SLC43A2: variants seen among roughly 807,000 people sequenced by gnomAD.
The protein encoded by SLC43A2 is large neutral amino acids transporter small subunit 4.
Under a neutral mutation model 63.2 loss-of-function variants are expected in SLC43A2, and 38 were observed. That is an observed-to-expected ratio of 0.60 (90% CI 0.46 to 0.79). SLC43A2 has a LOEUF of 0.79. Among genes scored for constraint, SLC43A2 ranks in the 30% least tolerant of loss-of-function variants. The probability of loss-of-function intolerance (pLI) is 0.00; values close to 1 mark genes in which losing one functional copy is unlikely to be tolerated. For missense variants in SLC43A2, 644 were observed against 756.2 expected (o/e 0.85, Z 1.74); for synonymous variants, 322 against 331.0 (o/e 0.97, Z 0.30).
Position 1,577,830 on chromosome 17 carries a change from G to T in SLC43A2, c.1424+420C>A, listed in dbSNP as rs372475584. Among the ~76,000 whole-genome samples, 14 of 152,332 alleles carry T rather than the reference G, an allele frequency of 9.2e-5. No individual in the cohort carries two copies. The South Asian group carries it at 1.9e-3, about 20-fold the overall frequency. ...GCCCGTCTGGTGTATTCTGGACTCA[G>T]TCACCCATGTTGCTGCCCGTGATGA... On this transcript the variant is annotated intron_variant, in intron 12 of 13. Transcript: ENST00000301335. This position sits in a 1 kb window ranked among gnomAD's most constrained non-coding sequence, Gnocchi z 4.9.
Position 1,606,729 on chromosome 17 carries a change from G to A in SLC43A2, c.501+6466C>T, listed in dbSNP as rs1275580679. On this transcript the variant is annotated intron_variant, in intron 5 of 13. Coordinates refer to ENST00000301335, the MANE Select transcript of SLC43A2 (RefSeq NM_152346.3). This position sits in a 1 kb window ranked among gnomAD's most constrained non-coding sequence, Gnocchi z 4.7. ...AGCGTGCCGTCCAGATGTCCCGGGG[G>A]AGGCTGAGGATCCACACCGTGGGGA... 6.6e-6 allele frequency among the ~76,000 whole-genome samples: 1 copy of A among 152,234 alleles called. No individual in the cohort carries two copies. The highest frequency in any genetic ancestry group is 1.5e-5 in the Non-Finnish European group (1 of 68,032).
rs189503704 is a variant in SLC43A2 at position 1,580,970 on chromosome 17, G to A, written c.1350+2234C>T. Among the ~76,000 whole-genome samples, 620 of 152,166 alleles carry A rather than the reference G, an allele frequency of 4.1e-3. 5 individuals are homozygous for A. The highest frequency in any genetic ancestry group is 4.6e-3 in the Non-Finnish European group (310 of 67,988). On this transcript the variant is annotated intron_variant, in intron 11 of 13. Transcript: ENST00000301335. ...AGGCTGGTCCTAGTAAAGTTCTGTCGCTGTCTGTGGGAGGCCCCCTGCCCA... is the reference window on the plus strand; with the variant it reads ...AGGCTGGTCCTAGTAAAGTTCTGTCACTGTCTGTGGGAGGCCCCCTGCCCA...
intron 11 of SLC43A2, among the ~76,000 whole-genome samples, chr17:1,580,283 G>T (rs1026566220): frequency 8.5e-5 from 13 of 152,198 alleles, no homozygotes; most frequent in African/African-American, 3.1e-4. Context: ...ACAGTCAGTG[G>T]CAACACATGG....
At chr17:1,607,331 G>A (rs1906711815) in intron 5 of SLC43A2, among the ~76,000 whole-genome samples, 1 of 152,186 alleles carries the variant, frequency 6.6e-6, no homozygotes, top group Non-Finnish European at 1.5e-5. Flanking sequence ...GATCCCGACA[G>A]TTCTGCTTTC....
At position 1,581,110 on chromosome 17, in the gene SLC43A2, C is replaced by A. The variant is rs543444154; in HGVS notation, c.1350+2094G>T. Among the ~76,000 whole-genome samples, 626 of 152,122 alleles carry A rather than the reference C, an allele frequency of 4.1e-3. 5 individuals are homozygous for A. The highest frequency in any genetic ancestry group is 4.6e-3 in the Non-Finnish European group (312 of 68,004). On this transcript the variant is annotated intron_variant, in intron 11 of 13. Transcript: ENST00000301335. ...TCTTCTGTACACAGCCCTGCCATCC[C>A]GCTCAGCAGCCAGGACCTGTTCCCA...
rs1329400157 is a variant in SLC43A2, at chr17:1,569,876, C to T, written c.*5728G>A. The T allele has an allele frequency of 6.8e-6, 1 of 147,322 alleles. No homozygotes were observed. The highest frequency in any genetic ancestry group is 1.5e-5 in the Non-Finnish European group (1 of 67,032). The allele number at this position is 147,322 out of a possible 1,614,324, so 9.1% of individuals were successfully genotyped here. On this transcript the variant is annotated 3_prime_UTR_variant, in exon 14 of 14. Coordinates refer to ENST00000301335, the MANE Select transcript of SLC43A2 (RefSeq NM_152346.3). Reference sequence around the variant, plus strand: ...AAGGGTGGGGTCAGCAGATACAGACCTTACTTTTTTTTTTTTTTTTTTTTT... The same window carrying T: ...AAGGGTGGGGTCAGCAGATACAGACTTTACTTTTTTTTTTTTTTTTTTTTT...
Position 1,605,343 on chromosome 17 carries a change from G to A in SLC43A2, c.501+7852C>T, listed in dbSNP as rs963111613. 6.4e-5 allele frequency: 37 copies of A among 575,624 alleles called. No homozygotes were observed. In the African/African-American group the frequency reaches 7.1e-4, roughly 11 times the overall value. The allele number at this position is 575,624 out of a possible 1,614,324, so 35.7% of individuals were successfully genotyped here. A position where few individuals can be genotyped will look rare whatever the true frequency, so the allele number is the denominator to read the frequency against. ...CCCCTCCCCTGGCATTCTGGCCATA[G>A]AGCATGACCACCGGACAGGAGTGCC... On this transcript the variant is annotated intron_variant, in intron 5 of 13. Coordinates refer to ENST00000301335, the MANE Select transcript of SLC43A2 (RefSeq NM_152346.3). This position sits in a 1 kb window ranked among gnomAD's most constrained non-coding sequence, Gnocchi z 4.9.
At chr17:1,625,722 G>T (rs970276106) in intron 2 of SLC43A2, among the ~76,000 whole-genome samples, 32 of 152,182 alleles carry the variant, frequency 2.1e-4, no homozygotes, top group African/African-American at 7.7e-4. Flanking sequence ...CAGCATGTTT[G>T]CCAGATAATA....
rs1043483851 is a variant in SLC43A2 at position 1,569,933 on chromosome 17, G to C, written c.*5671C>G. 4 of 145,196 alleles carry C rather than the reference G, an allele frequency of 2.8e-5. No homozygotes were observed. The highest frequency in any genetic ancestry group is 2.2e-4 in the South Asian group (1 of 4,564). 9.0% of individuals were successfully genotyped at this position (145,196 alleles called of 1,614,324 possible). A position where few individuals can be genotyped will look rare whatever the true frequency, so the allele number is the denominator to read the frequency against. On this transcript the variant is annotated 3_prime_UTR_variant, in exon 14 of 14. Transcript: ENST00000301335. ...GACGGAGTCTTGCTCTGTCGCCCAG[G>C]CTGGAGTGCAGTGGCACAATCTCGG... is the stretch of plus-strand genomic sequence containing the variant.
intron 10 of SLC43A2, among the ~76,000 whole-genome samples, chr17:1,584,139 C>T (rs60664535): frequency 0.17 from 26,289 of 151,904 alleles, 2,379 homozygotes; most frequent in South Asian, 0.32. Context: ...GTGATCCACC[C>T]GCCTTGGCCT....
chr17:1,592,671 C>A (rs1904930959), intron 6 of SLC43A2, among the ~76,000 whole-genome samples: 1 of 152,172 alleles, frequency 6.6e-6, no homozygotes, highest in Non-Finnish European at 1.5e-5. Context: ...GGGGCCCTGG[C>A]AGACCCACAG....
chr17:1,587,241 G>A (rs1244315341), intron 9 of SLC43A2, among the ~76,000 whole-genome samples: 1 of 152,228 alleles, frequency 6.6e-6, no homozygotes, highest in African/African-American at 2.4e-5. Flanking sequence ...GTCACAGGCG[G>A]ACTGGTGAAT....
intron 11 of SLC43A2, among the ~76,000 whole-genome samples, chr17:1,581,028 C>T (rs8072208): frequency 0.42 from 64,235 of 151,954 alleles, 14,304 homozygotes; most frequent in African/African-American, 0.53. Context: ...CCGCCAACTC[C>T]GAGAGGCACT....
Position 1,569,333 on chromosome 17 carries a change from G to A in SLC43A2, c.*6271C>T, listed in dbSNP as rs879537488. 6.6e-6 allele frequency: 1 copy of A among 152,406 alleles called. No homozygotes were observed. Among genetic ancestry groups the A allele is most frequent in the Non-Finnish European group, 1.5e-5 (1 of 68,176 alleles). 9.4% of individuals were successfully genotyped at this position (152,406 alleles called of 1,614,324 possible). ...AGGAAGTAAGCCAGGTGCTAGAAAC[G>A]GCAAAGGAGCAGGGAAGAGGCGGGT... On this transcript the variant is annotated 3_prime_UTR_variant, in exon 14 of 14. Transcript: ENST00000301335.
intron 5 of SLC43A2, among the ~76,000 whole-genome samples, chr17:1,597,828 G>A (rs1905463804): frequency 6.6e-6 from 1 of 152,204 alleles, no homozygotes; most frequent in African/African-American, 2.4e-5. Context: ...AAAAGAAAAA[G>A]AAAAGAAAAG....
chr17:1,600,153 T>TATATATATATATA (rs1491178977), intron 5 of SLC43A2, among the ~76,000 whole-genome samples: 105 of 38,164 alleles, frequency 2.8e-3, no homozygotes, highest in African/African-American at 8.5e-3. Flanking sequence ...TATATATATA[T>TATATATATATATA]TTTTTTTTTT....
At chr17:1,609,104 C>T (rs1293855029) in intron 5 of SLC43A2, among the ~76,000 whole-genome samples, 1 of 152,164 alleles carries the variant, frequency 6.6e-6, no homozygotes, top group Non-Finnish European at 1.5e-5. Flanking sequence ...TGTCGTTTTT[C>T]ATAGGATCAG....
rs1321922594 is a variant in SLC43A2, at chr17:1,578,983, T to C, written c.1351-660A>G. Among the ~76,000 whole-genome samples the C allele has an allele frequency of 1.3e-5, 2 of 151,508 alleles. No individual in the cohort carries two copies. The highest frequency in any genetic ancestry group is 1.3e-4 in the Admixed American group (2 of 15,220). On this transcript the variant is annotated intron_variant, in intron 11 of 13. Coordinates refer to ENST00000301335, the MANE Select transcript of SLC43A2 (RefSeq NM_152346.3). This position sits in a 1 kb window ranked among gnomAD's most constrained non-coding sequence, Gnocchi z 6.5. ...GGCGAAACCCTGTCTTTACTAAAAA[T>C]ACAAAAAATTAGCTGGGCGTGGTGG...
chr17:1,611,627 C>CAAAA (rs11377420), intron 5 of SLC43A2, among the ~76,000 whole-genome samples: 1 of 120,508 alleles, frequency 8.3e-6, no homozygotes, highest in South Asian at 2.7e-4. Context: ...CGAGCAGACT[C>CAAAA]AAAAAAAAAA....
Sources: allele counts gnomAD v4.1 joint callset (sites outside exome capture counted in the v4.1 genomes callset), GRCh38; gene constraint gnomAD v4.1.1; non-coding constraint Gnocchi (gnomAD v3.1); transcripts MANE v1.5; gene names NCBI Gene and HGNC (gene_info 2026-07-23, HGNC 2026-07-21).